Variants in PCCA observed in about 807,000 individuals in gnomAD.
PCCA encodes the protein propionyl-CoA carboxylase subunit alpha, also known as propionyl-CoA carboxylase alpha chain, mitochondrial.
PCCA carries 74 observed loss-of-function variants against 101.3 expected under a neutral mutation model. That is an observed-to-expected ratio of 0.73 (90% CI 0.61 to 0.89). The LOEUF (loss-of-function observed/expected upper bound fraction) is 0.89. PCCA is among the 40% of genes least tolerant of loss of function. PCCA has a pLI of 0.00. For synonymous variants in PCCA, 294 were observed against 313.6 expected (o/e 0.94, Z 0.66); for missense variants, 891 against 907.0 (o/e 0.98, Z 0.23).
At chr13:100,356,456 AT>A (rs1012115111) in intron 18 of PCCA, among the ~76,000 whole-genome samples, 1 of 152,150 alleles carries the variant, frequency 6.6e-6, no homozygotes, top group African/African-American at 2.4e-5. Context: ...ATGAATAAAA[AT>A]TTTTCAAAAA....
chr13:100,309,025 T>C (rs1301771808), intron 15 of PCCA, among the ~76,000 whole-genome samples: 1 of 150,754 alleles, frequency 6.6e-6, no homozygotes, highest in African/African-American at 2.5e-5. Flanking sequence ...TATGTAAAAC[T>C]GCAAATGATT....
At chr13:100,265,824 G>A (rs2062897802) in intron 10 of PCCA, among the ~76,000 whole-genome samples, 1 of 136,852 alleles carries the variant, frequency 7.3e-6, no homozygotes. Context: ...TCTAATAGAT[G>A]GATGTTATGT....
intron 12 of PCCA, among the ~76,000 whole-genome samples, chr13:100,300,688 A>G (rs1473766008): frequency 1.3e-5 from 2 of 152,238 alleles, no homozygotes; most frequent in African/African-American, 4.8e-5. Context: ...CAAGGTTAAG[A>G]ATTTCTAAGT....
In PCCA at chr13:100,105,844, C is replaced by CAA. The variant is rs71114671; in HGVS notation, c.183+2916_183+2917dup. The stretch of plus-strand genomic sequence containing the variant: ...TAGGCTAAAGGGCAAGATCCTGTCT[C>CAA]AAAAAAAAAAAAAAAAAAAAAAAAA... On this transcript the variant is annotated intron_variant, in intron 2 of 23. Coordinates refer to ENST00000376285, the MANE Select transcript of PCCA (RefSeq NM_000282.4). Among the ~76,000 whole-genome samples, 229 of 62,506 alleles carry CAA rather than the reference C, an allele frequency of 3.7e-3. 3 individuals are homozygous for CAA. Among genetic ancestry groups the CAA allele is most frequent in the Non-Finnish European group, 4.8e-3 (175 of 36,546 alleles). 41.0% of individuals were successfully genotyped at this position (62,506 alleles called of 152,430 possible).
chr13:100,247,931 C>G (rs964722583), intron 8 of PCCA, among the ~76,000 whole-genome samples: 6 of 152,088 alleles, frequency 3.9e-5, no homozygotes, highest in Non-Finnish European at 8.8e-5. Context: ...TACAGTGTAT[C>G]GTGTTTCCTT....
chr13:100,268,773 G>A lies in PCCA; in HGVS notation c.904G>A (p.Glu302Lys), dbSNP rs775686458. The change falls in exon 11 of 24, where the codon GAA (glutamate) becomes AAA (lysine). Residue 302 changes from glutamate to lysine, a missense_variant. Glu to Lys is a moderately conservative substitution (Grantham distance 56). Coordinates refer to ENST00000376285, the MANE Select transcript of PCCA (RefSeq NM_000282.4). Reference protein sequence around the residue: ...IQRRNQKVVEEAPSIFLDAET... With the variant: ...IQRRNQKVVEKAPSIFLDAET... ...GAGAAGAAATCAGAAGGTGGTGGAG[G>A]AAGCACCAAGGTAAGTCTCCTAAGA... 1 of 1,610,794 alleles carries A rather than the reference G, an allele frequency of 6.2e-7. No homozygotes were observed. Among genetic ancestry groups the A allele is most frequent in the South Asian group, 1.1e-5 (1 of 90,988 alleles).
chr13:100,296,696 A>G (rs1022161610), intron 12 of PCCA, among the ~76,000 whole-genome samples: 1 of 152,236 alleles, frequency 6.6e-6, no homozygotes, highest in Non-Finnish European at 1.5e-5. Flanking sequence ...TACTGGAAGC[A>G]TTTCAGAGTA....
intron 1 of PCCA, 117 bp from the exon 2 acceptor site, chr13:100,102,766 G>A (rs1296148254): frequency 2.8e-6 from 2 of 721,810 alleles, no homozygotes; most frequent in African/African-American, 3.5e-5. Flanking sequence ...ATATTGCCTA[G>A]AACTACATTT....
chr13:100,431,771 C>T (rs2079564996), intron 20 of PCCA, among the ~76,000 whole-genome samples: 1 of 152,082 alleles, frequency 6.6e-6, no homozygotes. Context: ...GAGGCTGAGG[C>T]AGGAGAATGG....
At chr13:100,496,367 G>A (rs377763901) in intron 21 of PCCA, among the ~76,000 whole-genome samples, 2 of 152,142 alleles carry the variant, frequency 1.3e-5, no homozygotes, top group African/African-American at 4.8e-5. Flanking sequence ...TCGTTCCTCC[G>A]TTGTTCTTTG....
chr13:100,418,852 A>G (rs1033001401), intron 19 of PCCA, among the ~76,000 whole-genome samples: 7 of 151,032 alleles, frequency 4.6e-5, no homozygotes, highest in African/African-American at 1.7e-4. Context: ...AAAAGAAAAA[A>G]GAAGAAAAAA....
intron 17 of PCCA, among the ~76,000 whole-genome samples, chr13:100,339,579 G>A (rs113499451): frequency 1.6e-3 from 236 of 152,252 alleles, no homozygotes; most frequent in African/African-American, 5.5e-3. Context: ...ACTATCCCAG[G>A]TCCAGCTGTG....
At chr13:100,390,283 A>C (rs1279132796) in intron 19 of PCCA, among the ~76,000 whole-genome samples, 6 of 152,196 alleles carry the variant, frequency 3.9e-5, no homozygotes, top group Admixed American at 3.9e-4. Context: ...TCCTATTTTT[A>C]AGTATAAGGA....
At chr13:100,458,050 C>A (rs2081877074) in intron 21 of PCCA, among the ~76,000 whole-genome samples, 1 of 152,102 alleles carries the variant, frequency 6.6e-6, no homozygotes, top group African/African-American at 2.4e-5. Context: ...TTTATAGAAC[C>A]CCATGTCTGC....
intron 16 of PCCA, among the ~76,000 whole-genome samples, chr13:100,328,845 C>T (rs561355369): frequency 6.6e-6 from 1 of 151,816 alleles, no homozygotes; most frequent in Non-Finnish European, 1.5e-5. Context: ...AGGTGCCTGC[C>T]ACCACGCCCA....
intron 19 of PCCA, among the ~76,000 whole-genome samples, chr13:100,370,695 C>A (rs1390221937): frequency 6.6e-6 from 1 of 152,146 alleles, no homozygotes; most frequent in African/African-American, 2.4e-5. Flanking sequence ...AATTTAGCTA[C>A]TTTCATTTGA....
intron 21 of PCCA, among the ~76,000 whole-genome samples, chr13:100,496,978 G>C (rs1485468103): frequency 1.3e-5 from 2 of 152,170 alleles, no homozygotes; most frequent in Admixed American, 1.3e-4. Context: ...AAGATGTCAC[G>C]GAATCCCAGT....
chr13:100,106,040 G>A (rs1474638192), intron 2 of PCCA, among the ~76,000 whole-genome samples: 3 of 151,832 alleles, frequency 2.0e-5, no homozygotes, highest in Admixed American at 6.6e-5. Context: ...GATAATACTC[G>A]GGCCCGATCC....
intron 19 of PCCA, among the ~76,000 whole-genome samples, chr13:100,376,579 C>T (rs1005080705): frequency 1.3e-5 from 2 of 152,168 alleles, no homozygotes; most frequent in African/African-American, 2.4e-5. Context: ...GACAGTCTGG[C>T]GACAGCGGCT....
Sources: gnomAD v4.1 joint callset for allele counts (sites outside exome capture counted in the v4.1 genomes callset) on GRCh38, gnomAD v4.1.1 for gene constraint, MANE v1.5 for transcripts, NCBI Gene and HGNC (gene_info 2026-07-23, HGNC 2026-07-21) for gene names.